The following FSTL5 variants were observed in gnomAD, a reference collection of about 807,000 sequenced individuals.
The protein encoded by FSTL5 is follistatin-related protein 5.
A neutral mutation model predicts 89.1 loss-of-function variants in FSTL5; 62 were observed. That is an observed-to-expected ratio of 0.70 (90% confidence interval 0.57 to 0.86). The LOEUF is 0.86. Among genes scored for constraint, FSTL5 ranks in the 40% least tolerant of loss-of-function variants. FSTL5 has a pLI of 0.00. For synonymous variants in FSTL5, 383 were observed against 346.2 expected, an observed-to-expected ratio of 1.11 and a Z score of -1.18; for missense variants, 1,057 against 1,001.6, an observed-to-expected ratio of 1.06 and a Z score of -0.75.
chr4:162,066,305 C>CTTCTTCTTCTTCTTCT (rs1553996262), intron 2 of FSTL5, among the ~76,000 whole-genome samples: 591 of 38,734 alleles, frequency 0.015, 1 homozygote, highest in Non-Finnish European at 0.017. Context: ...TACTTTTCTT[C>CTTCTTCTTCTTCTTCT]TTCTTCTTCT....
chr4:161,696,212 G>C (rs1738160434), intron 6 of FSTL5, among the ~76,000 whole-genome samples: 1 of 152,148 alleles, frequency 6.6e-6, no homozygotes, highest in African/African-American at 2.4e-5. Flanking sequence ...TTGTTGAATA[G>C]GGTGTCCTTT....
chr4:161,864,787 ACTTGAAC>A lies in FSTL5; in HGVS notation c.409+55610_409+55616del, dbSNP rs1732025370. On this transcript the variant is annotated intron_variant, in intron 4 of 15. Coordinates refer to ENST00000306100, the MANE Select transcript of FSTL5 (RefSeq NM_020116.5). ...CTCGGGAGGCCGAGGCAGGAGAATC[ACTTGAAC>A]CCGGGAGGTAGAGGTTGCAGTGAGC... is the stretch of plus-strand genomic sequence containing the variant. Among the ~76,000 whole-genome samples, 4 of 145,838 alleles carry A rather than the reference ACTTGAAC, an allele frequency of 2.7e-5. No homozygotes were observed. The South Asian group carries it at 8.8e-4, about 32-fold the overall frequency.
chr4:161,403,934 T>G (rs1207676752), intron 15 of FSTL5, among the ~76,000 whole-genome samples: 1 of 152,140 alleles, frequency 6.6e-6, no homozygotes, highest in Non-Finnish European at 1.5e-5. Context: ...TAATTAAGCA[T>G]GTTAAGTGAA....
At chr4:161,965,785 T>C (rs535477108) in intron 3 of FSTL5, among the ~76,000 whole-genome samples, 6 of 152,148 alleles carry the variant, frequency 3.9e-5, no homozygotes, top group African/African-American at 9.6e-5. Flanking sequence ...ACGGCAGGGA[T>C]TGTCATTTTC....
At chr4:161,483,709 G>A (rs1729592613) in intron 12 of FSTL5, among the ~76,000 whole-genome samples, 1 of 152,012 alleles carries the variant, frequency 6.6e-6, no homozygotes, top group African/African-American at 2.4e-5. Context: ...AATAGTAGAG[G>A]AATGTTTTTA....
intron 6 of FSTL5, among the ~76,000 whole-genome samples, chr4:161,717,009 T>G (rs550294321): frequency 6.6e-6 from 1 of 152,320 alleles, no homozygotes; most frequent in South Asian, 2.1e-4. Flanking sequence ...ACTCCTAGGT[T>G]AGATATACAA....
At chr4:162,013,181 T>C (rs1387724229) in intron 3 of FSTL5, among the ~76,000 whole-genome samples, 4 of 146,038 alleles carry the variant, frequency 2.7e-5, no homozygotes, top group African/African-American at 5.2e-5. Context: ...AAAGACTCTG[T>C]CTTAAAAAAA....
At chr4:161,695,843 T>C (rs1162641905) in intron 6 of FSTL5, among the ~76,000 whole-genome samples, 3 of 152,098 alleles carry the variant, frequency 2.0e-5, no homozygotes, top group South Asian at 2.1e-4. Context: ...GAGTTCCTTA[T>C]AGATTCTGAA....
chr4:162,153,467 G>A (rs1451137522), intron 1 of FSTL5, among the ~76,000 whole-genome samples: 2 of 150,934 alleles, frequency 1.3e-5, no homozygotes, highest in Non-Finnish European at 2.9e-5. Flanking sequence ...TCTTACTACA[G>A]AGAGGGTAGG....
intron 6 of FSTL5, among the ~76,000 whole-genome samples, chr4:161,749,627 C>T (rs1007454285): frequency 3.3e-5 from 5 of 151,810 alleles, no homozygotes; most frequent in Admixed American, 2.0e-4. Flanking sequence ...GAAACCCCAT[C>T]TCTACTAAAA....
chr4:161,777,260 T>TATATATATATATAC (rs138402425), intron 4 of FSTL5, among the ~76,000 whole-genome samples: 3 of 149,428 alleles, frequency 2.0e-5, no homozygotes, highest in Admixed American at 6.7e-5. Flanking sequence ...TATATATATA[T>TATATATATATATAC]ACACACACCA....
chr4:161,536,530 T>A (rs958001164), intron 10 of FSTL5, among the ~76,000 whole-genome samples: 3 of 152,314 alleles, frequency 2.0e-5, no homozygotes, highest in East Asian at 1.9e-4. Flanking sequence ...TTTCTGTTTA[T>A]ACTTTTCCGT....
At chr4:161,856,664 A>G (rs202157116) in intron 4 of FSTL5, among the ~76,000 whole-genome samples, 22 of 109,434 alleles carry the variant, frequency 2.0e-4, no homozygotes, top group African/African-American at 5.7e-4. Flanking sequence ...GTGTGTGTGT[A>G]TATATATATA....
At chr4:161,693,923 C>T (rs1482135816) in intron 6 of FSTL5, among the ~76,000 whole-genome samples, 1 of 152,070 alleles carries the variant, frequency 6.6e-6, no homozygotes, top group Non-Finnish European at 1.5e-5. Context: ...CAGGCGTGAG[C>T]CACTGTGCCC....
intron 7 of FSTL5, among the ~76,000 whole-genome samples, chr4:161,624,091 A>C (rs1346153222): frequency 6.6e-6 from 1 of 152,036 alleles, no homozygotes; most frequent in African/African-American, 2.4e-5. Context: ...GAGAGAAAAG[A>C]TAGCTATAAC....
Position 161,385,378 on chromosome 4 carries a change from A to G in FSTL5, c.*369T>C, listed in dbSNP as rs3210496. 0.11 allele frequency: 19,222 copies of G among 175,314 alleles called. 1,129 individuals are homozygous for G. The highest frequency in any genetic ancestry group is 0.12 in the Admixed American group (2,207 of 17,908). The allele number at this position is 175,314 out of a possible 1,614,324, so 10.9% of individuals were successfully genotyped here. Reference sequence around the variant, plus strand: ...TTATTTCTTGTTTAATCATACCAAAAGGACAGAGAAAAAAAATAAACTACC... The same window carrying G: ...TTATTTCTTGTTTAATCATACCAAAGGGACAGAGAAAAAAAATAAACTACC... On this transcript the variant is annotated 3_prime_UTR_variant, in exon 16 of 16. Transcript: ENST00000306100.
At chr4:161,851,771 T>G (rs958737735) in intron 4 of FSTL5, among the ~76,000 whole-genome samples, 1 of 151,784 alleles carries the variant, frequency 6.6e-6, no homozygotes, top group Admixed American at 6.6e-5. Flanking sequence ...TGATAATATA[T>G]TACTTACAAC....
At chr4:161,928,697 T>C (rs770548527) in intron 3 of FSTL5, among the ~76,000 whole-genome samples, 2 of 151,820 alleles carry the variant, frequency 1.3e-5, no homozygotes, top group Non-Finnish European at 2.9e-5. Flanking sequence ...TTTCATATGT[T>C]TGTTTACCAT....
At chr4:161,417,258 C>G (rs1179787688) in intron 15 of FSTL5, among the ~76,000 whole-genome samples, 1 of 152,208 alleles carries the variant, frequency 6.6e-6, no homozygotes, top group Non-Finnish European at 1.5e-5. Context: ...AGATATTTAA[C>G]TGTTTTTGTT....
Sources: gnomAD v4.1 joint callset for allele counts (sites outside exome capture counted in the v4.1 genomes callset) on GRCh38, gnomAD v4.1.1 for gene constraint, MANE v1.5 for transcripts, NCBI Gene and HGNC (gene_info 2026-07-23, HGNC 2026-07-21) for gene names.